Variants in ITCH observed in about 807,000 individuals in gnomAD.
ITCH encodes the protein itchy E3 ubiquitin protein ligase.
In ITCH, 28 loss-of-function variants were observed where a neutral mutation model predicts 126.8. The ratio of observed to expected loss-of-function variants is 0.22; its 90% CI spans 0.16 to 0.30. ITCH has a LOEUF of 0.30. Among genes scored for constraint, ITCH ranks in the 10% least tolerant of loss-of-function variants. ITCH has a pLI of 1.00. For missense variants in ITCH, 631 were observed against 1,032.4 expected (o/e 0.61, Z 5.33); for synonymous variants, 342 against 340.0 (o/e 1.01, Z -0.06).
intron 23 of ITCH, among the ~76,000 whole-genome samples, chr20:34,500,446 G>T (rs750883408): frequency 1.3e-5 from 2 of 151,944 alleles, no homozygotes; most frequent in Non-Finnish European, 2.9e-5. Context: ...TATAGTTTTT[G>T]ATTTAAAGTC....
intron 13 of ITCH, among the ~76,000 whole-genome samples, chr20:34,458,063 G>T (rs773893079): frequency 1.6e-4 from 24 of 152,170 alleles, no homozygotes; most frequent in Non-Finnish European, 2.5e-4. Flanking sequence ...CTAAATCAGG[G>T]TTTCTTAACC....
At chr20:34,373,386 C>G (rs970232606) in intron 2 of ITCH, among the ~76,000 whole-genome samples, 2 of 151,876 alleles carry the variant, frequency 1.3e-5, no homozygotes, top group African/African-American at 4.8e-5. Context: ...AGCCATTCTC[C>G]TGCCTCAGCC....
chr20:34,393,915 T>C (rs775501338), intron 3 of ITCH, 34 bp downstream of exon 3: 2 of 1,566,954 alleles, frequency 1.3e-6, no homozygotes, highest in Admixed American at 3.3e-5. Context: ...CTTTACTTTA[T>C]TTTTCCCCGT....
chr20:34,505,017 G>A (rs764420546), intron 24 of ITCH, among the ~76,000 whole-genome samples: 22 of 151,844 alleles, frequency 1.4e-4, no homozygotes, highest in African/African-American at 4.4e-4. Flanking sequence ...TATGCAGTTC[G>A]GTTCAGTGGG....
At position 34,428,554 on chromosome 20, in the gene ITCH, T is replaced by TA. The variant is rs565017763; in HGVS notation, c.521+4030dup. ...TGCCTGATTTTCAAGATTTTGTCGT[T>TA]AGATGTGCGTTCTTTTTTTTTGTTT... is the stretch of plus-strand genomic sequence containing the variant. On this transcript the variant is annotated intron_variant, in intron 7 of 24. Transcript: ENST00000374864. Among the ~76,000 whole-genome samples, 1,197 of 152,300 alleles carry TA rather than the reference T, an allele frequency of 7.9e-3. 15 individuals are homozygous for TA. Among genetic ancestry groups the TA allele is most frequent in the African/African-American group, 0.027 (1,139 of 41,568 alleles).
chr20:34,417,045 G>T (rs1979965465), intron 6 of ITCH: 8 of 565,098 alleles, frequency 1.4e-5, no homozygotes, highest in Non-Finnish European at 2.3e-5. Flanking sequence ...GAGTAGCTAG[G>T]ATTACAGGCA....
chr20:34,458,260 C>CTGT (rs912596625), intron 13 of ITCH, among the ~76,000 whole-genome samples: 2 of 152,092 alleles, frequency 1.3e-5, no homozygotes, highest in Admixed American at 6.5e-5. Context: ...AAAAAATATT[C>CTGT]TGTTGTTGTT....
In ITCH at chr20:34,466,418, A is replaced by C. The variant is rs191742048; in HGVS notation, c.1425-3630A>C. On this transcript the variant is annotated intron_variant, in intron 14 of 24. Coordinates refer to ENST00000374864, the MANE Select transcript of ITCH (RefSeq NM_031483.7). ...TTTCTTAGAGCAAAGATGGTTCCCTATTACTTTCTAATTTTATACTTCTAC... is the reference window on the plus strand; with the variant it reads ...TTTCTTAGAGCAAAGATGGTTCCCTCTTACTTTCTAATTTTATACTTCTAC... 969 of 524,304 alleles carry C rather than the reference A, an allele frequency of 1.8e-3. 3 individuals carry two copies. The highest frequency in any genetic ancestry group is 2.9e-3 in the Admixed American group (142 of 49,104). 32.5% of individuals were successfully genotyped at this position (524,304 alleles called of 1,614,324 possible).
chr20:34,372,485 A>G (rs986416602), intron 2 of ITCH, among the ~76,000 whole-genome samples: 39 of 143,452 alleles, frequency 2.7e-4, no homozygotes, highest in African/African-American at 9.5e-4. Context: ...GGTTCAAGCA[A>G]TTCTCCTGCC....
At chr20:34,477,495 C>T (rs980253789) in intron 16 of ITCH, among the ~76,000 whole-genome samples, 1 of 152,094 alleles carries the variant, frequency 6.6e-6, no homozygotes, top group Non-Finnish European at 1.5e-5. Flanking sequence ...TGCCATTGCA[C>T]TCCAGCCTGG....
intron 3 of ITCH, among the ~76,000 whole-genome samples, chr20:34,400,894 A>T (rs2038859852): frequency 6.6e-6 from 1 of 152,002 alleles, no homozygotes; most frequent in Non-Finnish European, 1.5e-5. Flanking sequence ...AGTAGCTGGT[A>T]TTGCAGGCAT....
intron 24 of ITCH, among the ~76,000 whole-genome samples, chr20:34,505,762 G>A (rs1251560603): frequency 1.3e-5 from 2 of 151,780 alleles, no homozygotes; most frequent in Admixed American, 1.3e-4. Context: ...CACCATGTTC[G>A]CCAGGCTGTT....
chr20:34,423,090 C>A (rs149776165), intron 6 of ITCH, among the ~76,000 whole-genome samples: 6 of 152,058 alleles, frequency 3.9e-5, no homozygotes, highest in Admixed American at 3.3e-4. Context: ...CCACCACGCC[C>A]GGCCTCTATT....
chr20:34,477,387 G>A (rs906135319), intron 16 of ITCH, among the ~76,000 whole-genome samples: 14 of 152,180 alleles, frequency 9.2e-5, no homozygotes, highest in East Asian at 3.9e-4. Flanking sequence ...AAAATTAGCC[G>A]GGCGTGGTGG....
At chr20:34,450,020 T>G (rs148428245) in intron 12 of ITCH, among the ~76,000 whole-genome samples, 9 of 152,300 alleles carry the variant, frequency 5.9e-5, no homozygotes, top group Admixed American at 2.0e-4. Flanking sequence ...ATCCACAAGA[T>G]GATTCTGTAT....
chr20:34,505,405 A>AT (rs1321725106), intron 24 of ITCH, among the ~76,000 whole-genome samples: 4 of 151,894 alleles, frequency 2.6e-5, no homozygotes, highest in Non-Finnish European at 5.9e-5. Context: ...TAATTCCAGA[A>AT]TTTTTTCACC....
chr20:34,414,530 G>T (rs936525119), intron 6 of ITCH, among the ~76,000 whole-genome samples: 3 of 138,398 alleles, frequency 2.2e-5, no homozygotes, highest in African/African-American at 8.1e-5. Flanking sequence ...GCAATGGCAC[G>T]ATTTCGGCTC....
intron 6 of ITCH, among the ~76,000 whole-genome samples, chr20:34,416,379 CAA>C (rs1979852859): frequency 6.6e-6 from 1 of 152,162 alleles, no homozygotes; most frequent in South Asian, 2.1e-4. Flanking sequence ...GCCTGGGCAA[CAA>C]GAGCGAAACT....
At chr20:34,497,724 A>G (rs1989980957) in intron 23 of ITCH, among the ~76,000 whole-genome samples, 4 of 152,316 alleles carry the variant, frequency 2.6e-5, no homozygotes, top group Admixed American at 6.5e-5. Flanking sequence ...GATTACAGGC[A>G]TATGCCACCA....
Sources: allele counts gnomAD v4.1 joint callset (sites outside exome capture counted in the v4.1 genomes callset), GRCh38; gene constraint gnomAD v4.1.1; transcripts MANE v1.5; gene names NCBI Gene and HGNC (gene_info 2026-07-23, HGNC 2026-07-21).